RARB: variants seen among roughly 807,000 people sequenced by gnomAD.
The protein encoded by RARB is HBV-activated protein.
Under a neutral mutation model 51.9 loss-of-function variants are expected in RARB, and 17 were observed. The ratio of observed to expected loss-of-function variants is 0.33; its 90% CI spans 0.22 to 0.49. The LOEUF is 0.49. Ranked by LOEUF, RARB falls within the 20% of genes least tolerant of loss-of-function variation. The pLI, the probability that RARB is intolerant of heterozygous loss-of-function variation, is 0.99. For synonymous variants in RARB, 215 were observed against 195.4 expected, an observed-to-expected ratio of 1.10 and a Z score of -0.84; for missense variants, 369 against 550.8, an observed-to-expected ratio of 0.67 and a Z score of 3.30.
At chr3:24,912,405 CTGGTACACAGTAAAATCTCAATAAG>C (rs11273220) in intron 2 of RARB, among the ~76,000 whole-genome samples, 6,308 of 152,222 alleles carry the variant, frequency 0.041, 256 homozygotes, top group East Asian at 0.16. Context: ...AATACAATGT[CTGGTACACAGTAAAATCTCAATAAG>C]TGGTCATTAT....
At chr3:25,258,920 A>G (rs1702931411) in intron 5 of RARB, 1 of 378,304 alleles carries the variant, frequency 2.6e-6, no homozygotes, top group Non-Finnish European at 3.6e-6. Flanking sequence ...AAGGACCCAA[A>G]TTCCTCTCAA....
At chr3:25,200,826 A>G (rs1339000401) in intron 5 of RARB, among the ~76,000 whole-genome samples, 3 of 152,070 alleles carry the variant, frequency 2.0e-5, no homozygotes, top group African/African-American at 4.8e-5. Flanking sequence ...CCAGTACCAT[A>G]CTGTTTTGGT....
intron 5 of RARB, among the ~76,000 whole-genome samples, chr3:25,407,788 A>G (rs9845401): frequency 0.43 from 64,305 of 151,110 alleles, 14,097 homozygotes; most frequent in East Asian, 0.71. Context: ...CATGAGAACA[A>G]CCTTGATCCT....
chr3:24,832,168 C>A (rs1050725664), intron 1 of RARB, among the ~76,000 whole-genome samples: 3 of 152,072 alleles, frequency 2.0e-5, no homozygotes, highest in Admixed American at 2.0e-4. Flanking sequence ...AAAATGCCAG[C>A]AAAACAGCTG....
At chr3:25,420,730 T>A (rs1428105120) in intron 5 of RARB, among the ~76,000 whole-genome samples, 1 of 151,962 alleles carries the variant, frequency 6.6e-6, no homozygotes, top group Admixed American at 6.6e-5. Flanking sequence ...GATGGGTGGA[T>A]AGGTAGATGG....
chr3:25,332,197 C>G (rs2125445677), intron 5 of RARB, among the ~76,000 whole-genome samples: 1 of 152,234 alleles, frequency 6.6e-6, no homozygotes, highest in African/African-American at 2.4e-5. Context: ...CATCCTGATA[C>G]CAAAGCATGG....
At chr3:25,500,883 C>T (rs1375118378) in intron 2 of RARB, among the ~76,000 whole-genome samples, 1 of 152,068 alleles carries the variant, frequency 6.6e-6, no homozygotes, top group African/African-American at 2.4e-5. Flanking sequence ...TGAAGCTAAG[C>T]CTGTTTGGAG....
intron 1 of RARB, among the ~76,000 whole-genome samples, chr3:24,857,994 G>A (rs1236412695): frequency 6.6e-6 from 1 of 152,124 alleles, no homozygotes; most frequent in African/African-American, 2.4e-5. Context: ...GAGGATCTCT[G>A]AGGCAAGTTA....
At chr3:25,063,695 T>A (rs930657987) in intron 3 of RARB, among the ~76,000 whole-genome samples, 45 of 151,668 alleles carry the variant, frequency 3.0e-4, no homozygotes, top group Non-Finnish European at 5.2e-4. Flanking sequence ...TCCGTAGACC[T>A]TGTAGTTTGA....
intron 5 of RARB, among the ~76,000 whole-genome samples, chr3:25,238,396 A>T (rs1364137437): frequency 2.0e-5 from 3 of 152,122 alleles, no homozygotes; most frequent in African/African-American, 7.2e-5. Flanking sequence ...AATTTTCTTT[A>T]TTCATTTATC....
intron 5 of RARB, among the ~76,000 whole-genome samples, chr3:25,213,294 C>G (rs1020562394): frequency 6.6e-6 from 1 of 152,172 alleles, no homozygotes; most frequent in Non-Finnish European, 1.5e-5. Context: ...CTTTTGTACA[C>G]TACATACTAT....
At chr3:25,478,008 A>G (rs773084956) in intron 2 of RARB, among the ~76,000 whole-genome samples, 13 of 152,200 alleles carry the variant, frequency 8.5e-5, no homozygotes, top group Admixed American at 2.0e-4. Flanking sequence ...TGGAGCATCA[A>G]TACAAGCAGC....
chr3:25,570,362 C>G lies in RARB; in HGVS notation c.609+444C>G, dbSNP rs574423283. On this transcript the variant is annotated intron_variant, in intron 4 of 7. Coordinates refer to ENST00000330688, the MANE Select transcript of RARB (RefSeq NM_000965.5). Reference sequence around the variant, plus strand: ...GGACGGGGCCTGATCTTTTAAAAACCCCAATCCATCTGTGAAATCCAACCA... The same window carrying G: ...GGACGGGGCCTGATCTTTTAAAAACGCCAATCCATCTGTGAAATCCAACCA... Among the ~76,000 whole-genome samples the G allele has an allele frequency of 2.6e-5, 4 of 152,220 alleles. No individual in the cohort carries two copies. The East Asian group carries it at 7.7e-4, about 29-fold the overall frequency.
chr3:24,905,327 C>T (rs966978101), intron 2 of RARB, among the ~76,000 whole-genome samples: 2 of 152,120 alleles, frequency 1.3e-5, no homozygotes, highest in African/African-American at 4.8e-5. Context: ...TCTATGTCTT[C>T]TTGTTTGACT....
chr3:25,512,118 A>G (rs1409041982), intron 3 of RARB, among the ~76,000 whole-genome samples: 2 of 152,178 alleles, frequency 1.3e-5, no homozygotes, highest in African/African-American at 4.8e-5. Context: ...GAAGGAAATG[A>G]ATTAATACAT....
chr3:25,569,987 C>T, intron 4 of RARB, 69 bp downstream of exon 4: 2 of 505,762 alleles, frequency 4.0e-6, no homozygotes, highest in Non-Finnish European at 5.3e-6. Context: ...TGCAGACACA[C>T]ACACACACAC....
At chr3:25,381,950 C>G (rs572960514) in intron 5 of RARB, among the ~76,000 whole-genome samples, 1 of 152,196 alleles carries the variant, frequency 6.6e-6, no homozygotes, top group Non-Finnish European at 1.5e-5. Flanking sequence ...GTCTCCATCT[C>G]AATCCCTCAC....
intron 2 of RARB, among the ~76,000 whole-genome samples, chr3:25,056,869 A>C (rs1418152946): frequency 1.3e-5 from 2 of 152,122 alleles, no homozygotes; most frequent in African/African-American, 4.8e-5. Context: ...TCATTAGAGA[A>C]AAAATTCCTT....
intron 2 of RARB, among the ~76,000 whole-genome samples, chr3:24,981,853 C>T (rs1696681955): frequency 1.3e-5 from 2 of 152,204 alleles, no homozygotes; most frequent in Admixed American, 6.5e-5. Flanking sequence ...GCAGAAATCA[C>T]CCATCCTCTG....
Sources: allele counts gnomAD v4.1 joint callset (sites outside exome capture counted in the v4.1 genomes callset), GRCh38; gene constraint gnomAD v4.1.1; transcripts MANE v1.5; gene names NCBI Gene and HGNC (gene_info 2026-07-23, HGNC 2026-07-21).